Variants in CDH4 observed in about 807,000 individuals in gnomAD.
CDH4 encodes cadherin-4.
In CDH4, 33 loss-of-function variants were observed where a neutral mutation model predicts 86.0. The ratio of observed to expected loss-of-function variants is 0.38; its 90% CI spans 0.29 to 0.51. CDH4 has a LOEUF of 0.51. Among genes scored for constraint, CDH4 ranks in the 20% least tolerant of loss-of-function variants. The pLI, the probability that CDH4 is intolerant of heterozygous loss-of-function variation, is 0.86. For synonymous variants in CDH4, 555 were observed against 549.4 expected, an observed-to-expected ratio of 1.01 and a Z score of -0.14; for missense variants, 1,114 against 1,307.4, an observed-to-expected ratio of 0.85 and a Z score of 2.28.
intron 2 of CDH4, among the ~76,000 whole-genome samples, chr20:61,282,651 A>G (rs933712832): frequency 2.0e-5 from 3 of 152,122 alleles, no homozygotes; most frequent in Non-Finnish European, 2.9e-5. Context: ...GTTCATATGT[A>G]CATATGTGGG....
chr20:61,411,261 A>G (rs2085117965), intron 2 of CDH4, among the ~76,000 whole-genome samples: 1 of 150,402 alleles, frequency 6.6e-6, no homozygotes, highest in South Asian at 2.1e-4. Context: ...CTGTACCACC[A>G]TGGAAAAGGG....
At position 61,777,756 on chromosome 20, in the gene CDH4, G is replaced by A. The variant is rs542560624; in HGVS notation, c.576+4574G>A. On this transcript the variant is annotated intron_variant, in intron 4 of 15. Transcript: ENST00000614565. ...CATACAAAAACACACACCCACATGCGCACACACGTGCATACAAAAACACAC... is the reference window on the plus strand; with the variant it reads ...CATACAAAAACACACACCCACATGCACACACACGTGCATACAAAAACACAC... 2.9e-4 allele frequency among the ~76,000 whole-genome samples: 43 copies of A among 148,450 alleles called. 5 individuals carry two copies. Among genetic ancestry groups the A allele is most frequent in the African/African-American group, 1.1e-3 (42 of 39,762 alleles).
rs1483491535 is a variant in CDH4 at position 61,269,291 on chromosome 20, G to A, written c.169+14354G>A. On this transcript the variant is annotated intron_variant, in intron 2 of 15. Coordinates refer to ENST00000614565, the MANE Select transcript of CDH4 (RefSeq NM_001794.5). This position sits in a 1 kb window ranked among gnomAD's most constrained non-coding sequence, Gnocchi z 5.3. ...CCCTGGAGGAGCCAGGATTGATGGG[G>A]GGCAGCCTTCAGAGCCCAACCCTCC... Among the ~76,000 whole-genome samples, 2 of 152,142 alleles carry A rather than the reference G, an allele frequency of 1.3e-5. No homozygotes were observed. Among genetic ancestry groups the A allele is most frequent in the South Asian group, 2.1e-4 (1 of 4,820 alleles).
At chr20:61,872,161 TCC>T (rs1983833746) in intron 6 of CDH4, among the ~76,000 whole-genome samples, 2 of 152,100 alleles carry the variant, frequency 1.3e-5, no homozygotes, top group African/African-American at 4.8e-5. Flanking sequence ...TCTGGCACAG[TCC>T]AGCAAATGTC....
chr20:61,458,495 G>C (rs1213399202), intron 2 of CDH4, among the ~76,000 whole-genome samples: 2 of 151,768 alleles, frequency 1.3e-5, no homozygotes, highest in Non-Finnish European at 2.9e-5. Flanking sequence ...TGGTGCTGAT[G>C]GTATGGTGAT....
intron 2 of CDH4, among the ~76,000 whole-genome samples, chr20:61,542,580 C>T (rs989912043): frequency 4.6e-5 from 7 of 152,098 alleles, no homozygotes; most frequent in African/African-American, 7.2e-5. Flanking sequence ...GAACAAATAT[C>T]GTATTTTCCA....
At chr20:61,926,743 C>T (rs1411433194) in intron 11 of CDH4, among the ~76,000 whole-genome samples, 1 of 152,168 alleles carries the variant, frequency 6.6e-6, no homozygotes, top group Admixed American at 6.5e-5. Flanking sequence ...CATGGTGGTG[C>T]ACGCCTGTAA....
intron 2 of CDH4, among the ~76,000 whole-genome samples, chr20:61,336,842 C>A (rs2084619918): frequency 6.6e-6 from 1 of 152,182 alleles, no homozygotes; most frequent in South Asian, 2.1e-4. Context: ...CTTCCTATCT[C>A]TCTTCTCTTG....
At chr20:61,608,238 TG>T (rs1461728689) in intron 2 of CDH4, among the ~76,000 whole-genome samples, 2 of 152,194 alleles carry the variant, frequency 1.3e-5, no homozygotes, top group Admixed American at 1.3e-4. Flanking sequence ...ATAATTTGGC[TG>T]AGAGCAAATT....
At chr20:61,468,115 T>A (rs757944181) in intron 2 of CDH4, among the ~76,000 whole-genome samples, 4 of 152,206 alleles carry the variant, frequency 2.6e-5, no homozygotes, top group Non-Finnish European at 5.9e-5. Flanking sequence ...TATTTGGGAC[T>A]CCATCACCTA....
chr20:61,499,586 C>G, intron 2 of CDH4: 4 of 1,144,634 alleles, frequency 3.5e-6, no homozygotes, highest in Non-Finnish European at 4.6e-6. Context: ...TCCCTGAGGT[C>G]ACACAGGGAG....
chr20:61,866,737 T>C (rs1983567101), intron 6 of CDH4, among the ~76,000 whole-genome samples: 1 of 152,236 alleles, frequency 6.6e-6, no homozygotes, highest in South Asian at 2.1e-4. Context: ...GGTGAGCGTG[T>C]GCTAGTTATC....
At chr20:61,755,673 A>G (rs2088556109) in intron 3 of CDH4, among the ~76,000 whole-genome samples, 2 of 151,284 alleles carry the variant, frequency 1.3e-5, no homozygotes, top group South Asian at 4.2e-4. Context: ...TGCCCCACAC[A>G]CCATATACAC....
intron 2 of CDH4, among the ~76,000 whole-genome samples, chr20:61,396,863 CTT>C (rs1256926157): frequency 5.3e-5 from 8 of 152,180 alleles, no homozygotes; most frequent in Non-Finnish European, 8.8e-5. Context: ...TCATGATACA[CTT>C]TTTAATACTA....
rs189274994 is a variant in CDH4 at position 61,541,084 on chromosome 20, C to T, written c.170-202479C>T. 1.7e-3 allele frequency among the ~76,000 whole-genome samples: 263 copies of T among 152,302 alleles called. 1 individual carries two copies. The highest frequency in any genetic ancestry group is 2.9e-3 in the Non-Finnish European group (196 of 68,030). On this transcript the variant is annotated intron_variant, in intron 2 of 15. Coordinates refer to ENST00000614565, the MANE Select transcript of CDH4 (RefSeq NM_001794.5). The stretch of plus-strand genomic sequence containing the variant: ...TTAGCTGCCATTTTACCCGTGTGCT[C>T]GGAGACTTCCAGAAGGGAGCTGTTC...
At chr20:61,775,901 TA>T (rs1371863758) in intron 4 of CDH4, among the ~76,000 whole-genome samples, 3 of 152,130 alleles carry the variant, frequency 2.0e-5, no homozygotes, top group Non-Finnish European at 4.4e-5. Flanking sequence ...GATAGGCTTG[TA>T]AAAGGGAACA....
chr20:61,910,598 C>T lies in CDH4; in HGVS notation c.1365C>T (p.Thr455=), dbSNP rs757907595. The T allele has an allele frequency of 3.2e-5, 52 of 1,613,266 alleles. 1 individual carries two copies. The South Asian group carries it at 4.2e-4, about 13-fold the overall frequency. ...TDPVTNEGMV[T]VVKAVDYELN... is the part of the protein sequence containing the mutation. ...CCGTAACCAACGAGGGCATGGTCAC[C>T]GTGGTGAAGGTGCGTACTCTTCTCA... Residue 455 remains threonine, a synonymous_variant, in exon 9 of 16, where the codon ACC becomes ACT. Coordinates refer to ENST00000614565, the MANE Select transcript of CDH4 (RefSeq NM_001794.5).
chr20:61,280,368 C>T (rs993217038), intron 2 of CDH4, among the ~76,000 whole-genome samples: 1 of 152,220 alleles, frequency 6.6e-6, no homozygotes, highest in Non-Finnish European at 1.5e-5. Flanking sequence ...CAGCCAATCC[C>T]TCTCTGGCGC....
At chr20:61,692,223 G>A (rs1270774424) in intron 2 of CDH4, among the ~76,000 whole-genome samples, 2 of 145,336 alleles carry the variant, frequency 1.4e-5, no homozygotes, top group South Asian at 2.3e-4. Flanking sequence ...GTATGTATGT[G>A]TGTATGTGTG....
Sources: allele counts gnomAD v4.1 joint callset (sites outside exome capture counted in the v4.1 genomes callset), GRCh38; gene constraint gnomAD v4.1.1; non-coding constraint Gnocchi (gnomAD v3.1); transcripts MANE v1.5; gene names NCBI Gene and HGNC (gene_info 2026-07-23, HGNC 2026-07-21).